The following MREG variants were observed in gnomAD, a reference collection of about 807,000 sequenced individuals.
The protein encoded by MREG is dilute suppressor protein homolog.
In MREG, 31 loss-of-function variants were observed where a neutral mutation model predicts 28.5. The observed-to-expected ratio is 1.09, with a 90% confidence interval of 0.82 to 1.47. The LOEUF (loss-of-function observed/expected upper bound fraction) is 1.47. Among genes scored for constraint, MREG ranks in the 40% most tolerant of loss-of-function variants. The pLI, the probability that MREG is intolerant of heterozygous loss-of-function variation, is 0.00. For missense variants in MREG, 256 were observed against 257.4 expected (o/e 0.99, Z 0.04); for synonymous variants, 106 against 95.2 (o/e 1.11, Z -0.66).
rs2105962564 is a variant in MREG, at chr2:215,943,610, GGCA to G, written c.*1250_*1252del. On this transcript the variant is annotated 3_prime_UTR_variant, in exon 5 of 5. Coordinates refer to ENST00000263268, the MANE Select transcript of MREG (RefSeq NM_018000.3). Reference sequence around the variant, plus strand: ...TAATCCCAGCACTTTGGGAGGCTGGGGCAGGCGGATGACGAGGTCAGGAGATCG... The same window carrying G: ...TAATCCCAGCACTTTGGGAGGCTGGGGGCGGATGACGAGGTCAGGAGATCG... 1 of 409,752 alleles carries G rather than the reference GGCA, an allele frequency of 2.4e-6. No homozygotes were observed. Among genetic ancestry groups the G allele is most frequent in the South Asian group, 1.8e-5 (1 of 56,242 alleles). 25.4% of individuals were successfully genotyped at this position (409,752 alleles called of 1,614,324 possible).
chr2:215,972,989 G>A (rs1276548802), intron 2 of MREG, among the ~76,000 whole-genome samples: 3 of 152,096 alleles, frequency 2.0e-5, no homozygotes, highest in African/African-American at 7.2e-5. Flanking sequence ...CATGTAACTG[G>A]GTGAAAAGAA....
At chr2:215,949,466 C>A (rs999644186) in intron 2 of MREG, among the ~76,000 whole-genome samples, 1 of 151,122 alleles carries the variant, frequency 6.6e-6, no homozygotes, top group Non-Finnish European at 1.5e-5. Context: ...GAGGCTGAGG[C>A]AGGAGAATTG....
At chr2:216,005,010 G>T (rs1350600392) in intron 1 of MREG, among the ~76,000 whole-genome samples, 1 of 152,154 alleles carries the variant, frequency 6.6e-6, no homozygotes, top group African/African-American at 2.4e-5. Context: ...TGAGGCAGGG[G>T]TGTGGGTGGT....
rs1364458748 is a variant in MREG, at chr2:215,944,338, C to CA, written c.*524dup. The CA allele has an allele frequency of 5.9e-5, 9 of 152,350 alleles. No homozygotes were observed. Among genetic ancestry groups the CA allele is most frequent in the African/African-American group, 2.2e-4 (9 of 41,546 alleles). The allele number at this position is 152,350 out of a possible 1,614,324, so 9.4% of individuals were successfully genotyped here. A position where few individuals can be genotyped will look rare whatever the true frequency, so the allele number is the denominator to read the frequency against. ...CTTCTGAATAATCATAACTGATACT[C>CA]AAAGAGATGCCCTGACACCCTCCAA... On this transcript the variant is annotated 3_prime_UTR_variant, in exon 5 of 5. Transcript: ENST00000263268.
chr2:215,965,635 C>T (rs954901931), intron 2 of MREG, among the ~76,000 whole-genome samples: 1 of 152,232 alleles, frequency 6.6e-6, no homozygotes, highest in African/African-American at 2.4e-5. Context: ...GGATACCTAT[C>T]ACCATGAACC....
At chr2:215,976,181 C>G (rs1335255186) in intron 2 of MREG, among the ~76,000 whole-genome samples, 2 of 152,072 alleles carry the variant, frequency 1.3e-5, no homozygotes, top group Non-Finnish European at 2.9e-5. Context: ...GTTCCACTTG[C>G]AACAATCTGC....
At chr2:215,952,245 C>T (rs1030370180) in intron 2 of MREG, among the ~76,000 whole-genome samples, 1 of 152,170 alleles carries the variant, frequency 6.6e-6, no homozygotes, top group African/African-American at 2.4e-5. Flanking sequence ...TACAGATATA[C>T]ATCCCCATAG....
chr2:216,004,836 A>G (rs1694108231), intron 1 of MREG, among the ~76,000 whole-genome samples: 1 of 152,230 alleles, frequency 6.6e-6, no homozygotes, highest in South Asian at 2.1e-4. Context: ...ATAGTGAGTA[A>G]GGGACACAGT....
chr2:215,974,485 G>A (rs1414317508), intron 2 of MREG, among the ~76,000 whole-genome samples: 1 of 152,072 alleles, frequency 6.6e-6, no homozygotes, highest in Non-Finnish European at 1.5e-5. Flanking sequence ...AGGTTCCACT[G>A]CGTCTGTATC....
rs747984650 is a variant in MREG at position 215,996,260 on chromosome 2, C to G, written c.255+46G>C. 4.6e-6 allele frequency: 7 copies of G among 1,530,810 alleles called. No homozygotes were observed. In the Admixed American group the frequency reaches 1.5e-4, roughly 34 times the overall value. 94.8% of individuals were successfully genotyped at this position (1,530,810 alleles called of 1,614,324 possible). On this transcript the variant is annotated intron_variant, in intron 2 of 4. Transcript: ENST00000263268. ...TCTTCTCAGGAATTACTATTTTTTA[C>G]TATATAGCATCATCCGCGCACAGCA...
chr2:215,997,429 C>T (rs368102741), intron 1 of MREG, among the ~76,000 whole-genome samples: 2 of 152,160 alleles, frequency 1.3e-5, no homozygotes, highest in Non-Finnish European at 2.9e-5. Context: ...CTTCTGTAAC[C>T]CCCAGTTGAC....
In MREG at chr2:215,947,126, A is replaced by G; in HGVS notation, c.256-13T>C. 1.9e-6 allele frequency: 3 copies of G among 1,593,594 alleles called. 1 individual carries two copies. The highest frequency in any genetic ancestry group is 2.2e-5 in the South Asian group (2 of 89,326). ...GCTTCTGCCACTCCTGCAGGAAAAT[A>G]AAAGTTTAGTTTTATTTATACCCCT... On this transcript the variant is annotated splice_polypyrimidine_tract_variant and intron_variant, in intron 2 of 4. Coordinates refer to ENST00000263268, the MANE Select transcript of MREG (RefSeq NM_018000.3).
In MREG at chr2:215,974,656, G is replaced by A. The variant is rs570377765; in HGVS notation, c.255+21650C>T. 5.9e-5 allele frequency among the ~76,000 whole-genome samples: 9 copies of A among 152,234 alleles called. No homozygotes were observed. The East Asian group carries it at 1.7e-3, about 29-fold the overall frequency. Reference sequence around the variant, plus strand: ...AATTAGCATGTGACTTTACAGGCAGGGGAGGGGAAGACAGCTGCAAAGAAA... The same window carrying A: ...AATTAGCATGTGACTTTACAGGCAGAGGAGGGGAAGACAGCTGCAAAGAAA... On this transcript the variant is annotated intron_variant, in intron 2 of 4. Transcript: ENST00000263268.
In MREG at chr2:215,943,129, C is replaced by T. The variant is rs1692225021; in HGVS notation, c.*1734G>A. Reference sequence around the variant, plus strand: ...CACAGTCCTCTAAGCAGACTAAATACAAGTTAGTTTTTAACCTGAATTCAG... The same window carrying T: ...CACAGTCCTCTAAGCAGACTAAATATAAGTTAGTTTTTAACCTGAATTCAG... On this transcript the variant is annotated 3_prime_UTR_variant, in exon 5 of 5. Transcript: ENST00000263268. 1 of 249,356 alleles carries T rather than the reference C, an allele frequency of 4.0e-6. No individual in the cohort carries two copies. The highest frequency in any genetic ancestry group is 4.7e-5 in the South Asian group (1 of 21,318). 15.4% of individuals were successfully genotyped at this position (249,356 alleles called of 1,614,324 possible).
Position 216,024,042 on chromosome 2 carries a change from C to A in MREG, c.-68+8747G>T, listed in dbSNP as rs571132927. On this transcript the variant is annotated intron_variant, in intron 1 of 3. Transcript: ENST00000420348. Reference sequence around the variant, plus strand: ...AGTAGAGGGCCCTTTCAAGTATATGCCATGAGTACCCCTTTGAATCACTTT... The same window carrying A: ...AGTAGAGGGCCCTTTCAAGTATATGACATGAGTACCCCTTTGAATCACTTT... 1.4e-4 allele frequency among the ~76,000 whole-genome samples: 21 copies of A among 152,230 alleles called. No homozygotes were observed. The East Asian group carries it at 3.5e-3, about 25-fold the overall frequency.
At chr2:216,029,005 T>C (rs185591198) in intron 1 of MREG, among the ~76,000 whole-genome samples, 352 of 152,250 alleles carry the variant, frequency 2.3e-3, no homozygotes, top group African/African-American at 8.2e-3. Context: ...TGGAGTTAAG[T>C]GCAGACCACT....
intron 2 of MREG, among the ~76,000 whole-genome samples, chr2:215,949,971 T>C (rs1167365974): frequency 6.6e-6 from 1 of 152,328 alleles, no homozygotes; most frequent in East Asian, 1.9e-4. Context: ...AAGATGACAA[T>C]AAAATAAACA....
chr2:215,979,047 C>T (rs1045529935), intron 2 of MREG, among the ~76,000 whole-genome samples: 1 of 152,170 alleles, frequency 6.6e-6, no homozygotes, highest in Non-Finnish European at 1.5e-5. Flanking sequence ...TGACAATAGC[C>T]TAGATGTCTT....
intron 1 of MREG, among the ~76,000 whole-genome samples, chr2:216,012,039 C>T (rs1000180797): frequency 1.3e-5 from 2 of 152,104 alleles, no homozygotes; most frequent in African/African-American, 4.8e-5. Context: ...ACATGAGTTA[C>T]ATGTTTATAT....
Sources: gnomAD v4.1 joint callset for allele counts (sites outside exome capture counted in the v4.1 genomes callset) on GRCh38, gnomAD v4.1.1 for gene constraint, MANE v1.5 for transcripts, NCBI Gene and HGNC (gene_info 2026-07-23, HGNC 2026-07-21) for gene names.